The following LPP variants were observed in gnomAD, a reference collection of about 807,000 sequenced individuals.
LPP encodes LIM domain containing preferred translocation partner in lipoma.
A neutral mutation model predicts 60.4 loss-of-function variants in LPP; 38 were observed. That is an observed-to-expected ratio of 0.63 (90% CI 0.49 to 0.83). LPP has a LOEUF of 0.83. Ranked by LOEUF, LPP falls within the 40% of genes least tolerant of loss-of-function variation. LPP has a pLI of 0.00. For synonymous variants in LPP, 328 were observed against 290.8 expected (o/e 1.13, Z -1.30); for missense variants, 902 against 783.6 (o/e 1.15, Z -1.80).
intron 7 of LPP, among the ~76,000 whole-genome samples, chr3:188,703,338 G>T (rs1864859858): frequency 6.6e-6 from 1 of 152,154 alleles, no homozygotes; most frequent in Non-Finnish European, 1.5e-5. Context: ...TTCTTAGGAG[G>T]TATTGAGCCC....
At chr3:188,553,598 A>G (rs1828730695) in intron 6 of LPP, among the ~76,000 whole-genome samples, 1 of 152,232 alleles carries the variant, frequency 6.6e-6, no homozygotes, top group African/African-American at 2.4e-5. Context: ...TGTTTTTAAC[A>G]TAGGAACGGA....
intron 9 of LPP, among the ~76,000 whole-genome samples, chr3:188,806,491 A>G (rs1749178500): frequency 6.6e-6 from 1 of 151,814 alleles, no homozygotes; most frequent in Non-Finnish European, 1.5e-5. Context: ...CTTTCATTTT[A>G]TCCAATTTGA....
In LPP at chr3:188,430,292, C is replaced by T. The variant is rs1327977106; in HGVS notation, c.193+23979C>T. 4.6e-5 allele frequency among the ~76,000 whole-genome samples: 7 copies of T among 152,132 alleles called. No individual in the cohort carries two copies. In the South Asian group the frequency reaches 1.0e-3, roughly 23 times the overall value. On this transcript the variant is annotated intron_variant, in intron 4 of 11. Coordinates refer to ENST00000617246, the MANE Select transcript of LPP (RefSeq NM_001375462.1). The stretch of plus-strand genomic sequence containing the variant: ...ATTATTAAGAAAATTATCAGAATTT[C>T]CTATGTGATTTTTTTAACAACTTTC...
At chr3:188,377,195 C>G (rs1057130517) in intron 3 of LPP, among the ~76,000 whole-genome samples, 5 of 152,118 alleles carry the variant, frequency 3.3e-5, no homozygotes, top group African/African-American at 1.2e-4. Flanking sequence ...TGGAGTTGCT[C>G]TTCTCGAGGA....
At chr3:188,811,351 T>TACACAGACACAC (rs953912730) in intron 9 of LPP, among the ~76,000 whole-genome samples, 1 of 144,882 alleles carries the variant, frequency 6.9e-6, no homozygotes, top group African/African-American at 2.5e-5. Context: ...AAGTGCTGTA[T>TACACAGACACAC]ACACACACAC....
chr3:188,477,713 T>C (rs1803605815), intron 4 of LPP, among the ~76,000 whole-genome samples: 1 of 152,250 alleles, frequency 6.6e-6, no homozygotes. Context: ...GTTAAGAATT[T>C]GTATAATGGA....
chr3:188,817,915 A>G (rs1010314500), intron 9 of LPP, among the ~76,000 whole-genome samples: 1 of 152,158 alleles, frequency 6.6e-6, no homozygotes, highest in African/African-American at 2.4e-5. Context: ...CACGATTATT[A>G]TCTTAGTATC....
chr3:188,486,275 C>T lies in LPP; in HGVS notation c.306+1571C>T, dbSNP rs1335971276. On this transcript the variant is annotated intron_variant, in intron 5 of 11. Coordinates refer to ENST00000617246, the MANE Select transcript of LPP (RefSeq NM_001375462.1). The stretch of plus-strand genomic sequence containing the variant: ...GAAGGAGACAAAGAAAGAAATGATT[C>T]ATTCGCTCAACAAATATTCTGTATT... Among the ~76,000 whole-genome samples, 3 of 152,142 alleles carry T rather than the reference C, an allele frequency of 2.0e-5. No individual in the cohort carries two copies. The East Asian group carries it at 5.8e-4, about 29-fold the overall frequency.
In LPP at chr3:188,406,152, G is replaced by A. The variant is rs147232499; in HGVS notation, c.32G>A (p.Ser11Asn). The change falls in exon 4 of 12, where the codon AGC (serine) becomes AAC (asparagine). Residue 11 changes from serine (S) to asparagine (N), a missense_variant. Coordinates refer to ENST00000617246, the MANE Select transcript of LPP (RefSeq NM_001375462.1). Reference sequence around the variant, plus strand: ...CACCCATCTTGGCTGCCACCCAAAAGCACTGGTGAGCCCCTCGGCCATGTG... The same window carrying A: ...CACCCATCTTGGCTGCCACCCAAAAACACTGGTGAGCCCCTCGGCCATGTG... MSHPSWLPPKSTGEPLGHVPA... is the reference protein window; with the variant it reads MSHPSWLPPKNTGEPLGHVPA... The A allele has an allele frequency of 1.4e-5, 23 of 1,613,756 alleles. No homozygotes were observed. The highest frequency in any genetic ancestry group is 1.7e-4 in the Middle Eastern group (1 of 6,054).
chr3:188,403,017 G>A (rs924980583), intron 3 of LPP, among the ~76,000 whole-genome samples: 6 of 152,248 alleles, frequency 3.9e-5, no homozygotes, highest in African/African-American at 9.6e-5. Flanking sequence ...TATAAATCCT[G>A]GGAATGGGGT....
chr3:188,376,372 T>C (rs1173143382), intron 3 of LPP, among the ~76,000 whole-genome samples: 5 of 152,178 alleles, frequency 3.3e-5, no homozygotes, highest in Non-Finnish European at 5.9e-5. Context: ...GGACTTGCTT[T>C]ATGAATCTGG....
At chr3:188,703,828 A>T (rs920202567) in intron 7 of LPP, among the ~76,000 whole-genome samples, 1 of 152,224 alleles carries the variant, frequency 6.6e-6, no homozygotes, top group Non-Finnish European at 1.5e-5. Flanking sequence ...TTAGATTTAT[A>T]CTTGAAATGT....
At chr3:188,734,747 G>A (rs769332809) in intron 8 of LPP, among the ~76,000 whole-genome samples, 9 of 152,186 alleles carry the variant, frequency 5.9e-5, no homozygotes, top group East Asian at 1.9e-4. Context: ...GCAGGTGCAC[G>A]GATTAGATGA....
chr3:188,532,037 T>C (rs1054574401), intron 6 of LPP, among the ~76,000 whole-genome samples: 30 of 152,122 alleles, frequency 2.0e-4, no homozygotes, highest in African/African-American at 7.2e-4. Context: ...CAGAACTGAA[T>C]TGAGTCATAA....
At chr3:188,283,626 C>T (rs998132109) in intron 2 of LPP, among the ~76,000 whole-genome samples, 2 of 152,066 alleles carry the variant, frequency 1.3e-5, no homozygotes, top group African/African-American at 4.8e-5. Context: ...AAAGAGGATG[C>T]GTGATACTAA....
chr3:188,690,356 C>T (rs1053628520), intron 7 of LPP, among the ~76,000 whole-genome samples: 1 of 152,146 alleles, frequency 6.6e-6, no homozygotes, highest in African/African-American at 2.4e-5. Context: ...AATCGATAAA[C>T]TTCTTAGTAT....
intron 1 of LPP, among the ~76,000 whole-genome samples, chr3:188,167,143 G>C (rs1352061325): frequency 6.6e-6 from 1 of 152,136 alleles, no homozygotes; most frequent in East Asian, 1.9e-4. Flanking sequence ...GAGTGTAATA[G>C]TATCTTTCAC....
chr3:188,496,699 A>G (rs1810336647), intron 5 of LPP, among the ~76,000 whole-genome samples: 1 of 152,228 alleles, frequency 6.6e-6, no homozygotes, highest in Admixed American at 6.5e-5. Flanking sequence ...TGAAGGAAAC[A>G]AAACAGCAGT....
intron 1 of LPP, among the ~76,000 whole-genome samples, chr3:188,203,551 T>TTAAATATATATAAATATATA (rs1732106240): frequency 4.1e-4 from 30 of 73,238 alleles, no homozygotes; most frequent in Non-Finnish European, 5.9e-4. Context: ...ATATATATAT[T>TTAAATATATATAAATATATA]TTTAAATATA....
Sources: allele counts gnomAD v4.1 joint callset (sites outside exome capture counted in the v4.1 genomes callset), GRCh38; gene constraint gnomAD v4.1.1; transcripts MANE v1.5; gene names NCBI Gene and HGNC (gene_info 2026-07-23, HGNC 2026-07-21).